KIAA1549: variants seen among roughly 807,000 people sequenced by gnomAD.
KIAA1549 encodes KIAA1549, also known as UPF0606 protein KIAA1549.
A neutral mutation model predicts 156.4 loss-of-function variants in KIAA1549; 70 were observed. That is an observed-to-expected ratio of 0.45 (90% CI 0.37 to 0.55). The LOEUF is 0.55. KIAA1549 is among the 20% of genes least tolerant of loss of function. The pLI is 0.00. For synonymous variants in KIAA1549, 1,103 were observed against 1,066.4 expected (o/e 1.03, Z -0.67); for missense variants, 2,428 against 2,540.9 (o/e 0.96, Z 0.96).
At position 138,849,754 on chromosome 7, in the gene KIAA1549, CCTCT is replaced by C. The variant is rs369718095; in HGVS notation, c.5294+2465_5294+2468del. ...CAAGTGGGCCCCAATGTCTGTTGTTCCTCTCTGTGTCCATGAGTTCTCATCATTT... is the reference window on the plus strand; with the variant it reads ...CAAGTGGGCCCCAATGTCTGTTGTTCCTGTGTCCATGAGTTCTCATCATTT... On this transcript the variant is annotated intron_variant, in intron 17 of 19. Transcript: ENST00000422774. Among the ~76,000 whole-genome samples the C allele has an allele frequency of 9.9e-5, 15 of 152,104 alleles. No homozygotes were observed. In the East Asian group the frequency reaches 2.7e-3, roughly 27 times the overall value.
At position 138,832,135 on chromosome 7, in the gene KIAA1549, G is replaced by A. The variant is rs1484954678; in HGVS notation, c.*5771C>T. 4.4e-6 allele frequency: 1 copy of A among 225,152 alleles called. No individual in the cohort carries two copies. Among genetic ancestry groups the A allele is most frequent in the Non-Finnish European group, 8.8e-6 (1 of 113,510 alleles). 13.9% of individuals were successfully genotyped at this position (225,152 alleles called of 1,614,324 possible). ...GCCCAGAAAGGTTCTGTGTAATCAG[G>A]GACTGCAAGAGACTCAAGTCACTCA... On this transcript the variant is annotated 3_prime_UTR_variant, in exon 20 of 20. Coordinates refer to ENST00000422774, the MANE Select transcript of KIAA1549 (RefSeq NM_001164665.2).
intron 12 of KIAA1549, among the ~76,000 whole-genome samples, chr7:138,872,149 A>C (rs2130387507): frequency 6.6e-6 from 1 of 152,122 alleles, no homozygotes; most frequent in Non-Finnish European, 1.5e-5. Context: ...GTTTCACGAT[A>C]TTGTCCAAGT....
chr7:138,894,384 G>A lies in KIAA1549; in HGVS notation c.3990C>T (p.Asp1330=), dbSNP rs761718609. Residue 1330 remains aspartate, a synonymous_variant, in exon 10 of 20, where the codon GAC becomes GAT. Transcript: ENST00000422774. ...TGTTGGCCACAGTGTCAGGCTGAAA[G>A]TCTAGCTTGTCTGTGCGGCATAGTT... The part of the protein sequence containing the change: ...YWKLCRTDKL[D]FQPDTVANIQ... 2 of 1,613,894 alleles carry A rather than the reference G, an allele frequency of 1.2e-6. No homozygotes were observed. Among genetic ancestry groups the A allele is most frequent in the African/African-American group, 2.7e-5 (2 of 74,926 alleles).
At chr7:138,872,099 C>T (rs1810953392) in intron 12 of KIAA1549, among the ~76,000 whole-genome samples, 1 of 152,094 alleles carries the variant, frequency 6.6e-6, no homozygotes, top group Non-Finnish European at 1.5e-5. Flanking sequence ...TGCCACCATG[C>T]CTAGCTAACT....
chr7:138,940,704 A>G (rs1303757885), intron 1 of KIAA1549, among the ~76,000 whole-genome samples: 1 of 152,184 alleles, frequency 6.6e-6, no homozygotes, highest in East Asian at 1.9e-4. Flanking sequence ...AATGATTGCC[A>G]TTCTAACTGG....
chr7:138,965,425 A>C (rs1221012689), intron 1 of KIAA1549, among the ~76,000 whole-genome samples: 2 of 152,174 alleles, frequency 1.3e-5, no homozygotes, highest in Non-Finnish European at 2.9e-5. Flanking sequence ...TCCTGGGCTC[A>C]AGCAATCCGC....
At position 138,831,905 on chromosome 7, in the gene KIAA1549, T is replaced by G. The variant is rs1809543724; in HGVS notation, c.*6001A>C. 8.6e-6 allele frequency: 2 copies of G among 232,902 alleles called. No individual in the cohort carries two copies. 14.4% of individuals were successfully genotyped at this position (232,902 alleles called of 1,614,324 possible). ...CCCTTTTCTGAAACAAGTCCTCTGG[T>G]GCTTAGAGCAACTGAATGAATGGGT... On this transcript the variant is annotated 3_prime_UTR_variant, in exon 20 of 20. Transcript: ENST00000422774.
In KIAA1549 at chr7:138,837,043, G is replaced by A. The variant is rs1238667098; in HGVS notation, c.*863C>T. The stretch of plus-strand genomic sequence containing the variant: ...TACAGGATCGGCCTTAGCGATCGGT[G>A]CTGAACTGGGACATGACCAGGAGTT... On this transcript the variant is annotated 3_prime_UTR_variant, in exon 20 of 20. Transcript: ENST00000422774. The A allele has an allele frequency of 4.4e-6, 1 of 228,824 alleles. No individual in the cohort carries two copies. The highest frequency in any genetic ancestry group is 6.3e-5 in the East Asian group (1 of 15,994). The allele number at this position is 228,824 out of a possible 1,614,324, so 14.2% of individuals were successfully genotyped here.
At position 138,879,545 on chromosome 7, in the gene KIAA1549, C is replaced by A; in HGVS notation, c.4338G>T (p.Pro1446=). 3.2e-6 allele frequency: 5 copies of A among 1,556,026 alleles called. No homozygotes were observed. Among genetic ancestry groups the A allele is most frequent in the South Asian group, 1.2e-5 (1 of 84,380 alleles). Residue 1446 remains proline (P), a synonymous_variant, in exon 12 of 20, where the codon CCG becomes CCT. Coordinates refer to ENST00000422774, the MANE Select transcript of KIAA1549 (RefSeq NM_001164665.2). ...AVNDGRSHRA[P]QSGPPLPSSG... is the part of the protein sequence containing the mutation. ...ACCAGAAGAGTCACAGACCGCTCTG[C>A]GGAGCTCTGTGGGACCTGCCATCGT...
chr7:138,892,551 C>A (rs900570673), intron 10 of KIAA1549, among the ~76,000 whole-genome samples: 9 of 152,076 alleles, frequency 5.9e-5, no homozygotes, highest in African/African-American at 9.7e-5. Flanking sequence ...ATAACAAGAA[C>A]AACAAAAGAA....
chr7:138,916,168 A>C (rs1812314993), intron 2 of KIAA1549, among the ~76,000 whole-genome samples: 1 of 152,256 alleles, frequency 6.6e-6, no homozygotes, highest in East Asian at 1.9e-4. Flanking sequence ...GGGCATTTAC[A>C]GGGACCTATG....
intron 1 of KIAA1549, among the ~76,000 whole-genome samples, chr7:138,948,441 C>A (rs1298323127): frequency 6.6e-6 from 1 of 152,158 alleles, no homozygotes; most frequent in East Asian, 1.9e-4. Context: ...CTTCCTGGAG[C>A]CATCAGAGGT....
intron 2 of KIAA1549, among the ~76,000 whole-genome samples, chr7:138,912,912 T>C (rs1439954716): frequency 1.3e-5 from 2 of 152,184 alleles, no homozygotes; most frequent in Non-Finnish European, 2.9e-5. Context: ...ACCCGCTCTG[T>C]CGCCCAGGCT....
intron 1 of KIAA1549, among the ~76,000 whole-genome samples, chr7:138,931,966 G>A (rs1038796187): frequency 2.0e-5 from 3 of 152,030 alleles, no homozygotes; most frequent in Admixed American, 2.0e-4. Flanking sequence ...GTTCCTGGAG[G>A]TGTGTGGTGG....
intron 12 of KIAA1549, among the ~76,000 whole-genome samples, chr7:138,878,324 G>A (rs967923632): frequency 3.9e-5 from 6 of 152,158 alleles, no homozygotes; most frequent in African/African-American, 9.7e-5. Flanking sequence ...AGCCACCCGC[G>A]AGGCCACAAG....
At position 138,908,876 on chromosome 7, in the gene KIAA1549, TA is replaced by T. The variant is rs1812085557; in HGVS notation, c.3276+114del. The T allele has an allele frequency of 2.1e-5, 27 of 1,274,324 alleles. No individual in the cohort carries two copies. The South Asian group carries it at 3.5e-4, about 17-fold the overall frequency. The allele number at this position is 1,274,324 out of a possible 1,614,324, so 78.9% of individuals were successfully genotyped here. A position where few individuals can be genotyped will look rare whatever the true frequency, so the allele number is the denominator to read the frequency against. ...AGGAATAGATCAATCCCGACTCACATAAACTGGGTTTCCGCCACTGGAGGGA... is the reference window on the plus strand; with the variant it reads ...AGGAATAGATCAATCCCGACTCACATAACTGGGTTTCCGCCACTGGAGGGA... On this transcript the variant is annotated intron_variant, in intron 5 of 19. Coordinates refer to ENST00000422774, the MANE Select transcript of KIAA1549 (RefSeq NM_001164665.2).
chr7:138,909,201 T>C, intron 4 of KIAA1549, 80 bp from the exon 5 acceptor site: 3 of 1,434,144 alleles, frequency 2.1e-6, no homozygotes, highest in Non-Finnish European at 1.9e-6. Context: ...GAGAGAAACA[T>C]CGTATCTAAA....
At chr7:138,887,639 G>A (rs1811436149) in intron 10 of KIAA1549, among the ~76,000 whole-genome samples, 2 of 152,212 alleles carry the variant, frequency 1.3e-5, no homozygotes. Flanking sequence ...TGTCATCCAT[G>A]CAGCAGCTTC....
At chr7:138,932,447 G>A (rs1044434287) in intron 1 of KIAA1549, among the ~76,000 whole-genome samples, 3 of 152,174 alleles carry the variant, frequency 2.0e-5, no homozygotes, top group African/African-American at 7.2e-5. Context: ...AGAAATGTAG[G>A]AGACCAGACC....
Sources: gnomAD v4.1 joint callset for allele counts (sites outside exome capture counted in the v4.1 genomes callset) on GRCh38, gnomAD v4.1.1 for gene constraint, MANE v1.5 for transcripts, NCBI Gene and HGNC (gene_info 2026-07-23, HGNC 2026-07-21) for gene names.